The following FMO4 variants were observed in gnomAD, a reference collection of about 807,000 sequenced individuals.
FMO4 encodes flavin containing dimethylaniline monoxygenase 4.
In FMO4, 38 loss-of-function variants were observed where a neutral mutation model predicts 43.3. That is an observed-to-expected ratio of 0.88 (90% CI 0.68 to 1.15). The LOEUF is 1.15. Among genes scored for constraint, FMO4 ranks in the 50% most tolerant of loss-of-function variants. FMO4 has a pLI of 0.00. For missense variants in FMO4, 631 were observed against 663.3 expected (o/e 0.95, Z 0.54); for synonymous variants, 224 against 232.2 (o/e 0.96, Z 0.32).
At chr1:171,325,111 A>G (rs1321630340) in intron 5 of FMO4, among the ~76,000 whole-genome samples, 1 of 152,172 alleles carries the variant, frequency 6.6e-6, no homozygotes, top group East Asian at 1.9e-4. Flanking sequence ...TCTGTCTCAA[A>G]AATAAATGAA....
At chr1:171,324,040 C>T (rs946252204) in intron 4 of FMO4, 98 bp from the exon 5 acceptor site, 1 of 1,099,032 alleles carries the variant, frequency 9.1e-7, no homozygotes, top group Non-Finnish European at 1.3e-6. Context: ...TGTCATGGGA[C>T]TTGGCCTACT....
intron 5 of FMO4, among the ~76,000 whole-genome samples, chr1:171,329,754 T>C (rs1485410252): frequency 2.6e-5 from 4 of 152,170 alleles, no homozygotes; most frequent in African/African-American, 4.8e-5. Flanking sequence ...TCAACCATTT[T>C]AGACTGTCAA....
chr1:171,331,666 C>T lies in FMO4; in HGVS notation c.511C>T (p.Leu171=). Residue 171 remains leucine, a synonymous_variant, in exon 6 of 10, where the codon CTG becomes TTG. Transcript: ENST00000367749. The part of the protein sequence containing the change: ...PGIHKFKGQI[L]HSQEYKIPEG... ...AATTCATAAGTTTAAAGGTCAGATC[C>T]TGCATAGTCAAGAGTACAAGATCCC... The T allele has an allele frequency of 6.2e-7, 1 of 1,613,864 alleles. No homozygotes were observed. Among genetic ancestry groups the T allele is most frequent in the Non-Finnish European group, 8.5e-7 (1 of 1,179,796 alleles).
In FMO4 at chr1:171,334,052, T is replaced by C. The variant is rs571399139; in HGVS notation, c.828-359T>C. On this transcript the variant is annotated intron_variant, in intron 7 of 9. Transcript: ENST00000367749. ...CTAATTTCCTGTCTGCCTGATGTCA[T>C]TCCCTAGAGGCCTAAGTAATTTGAG... is the stretch of plus-strand genomic sequence containing the variant. 1.3e-4 allele frequency among the ~76,000 whole-genome samples: 20 copies of C among 152,298 alleles called. 1 individual carries two copies. The highest frequency in any genetic ancestry group is 4.8e-4 in the African/African-American group (20 of 41,568).
At chr1:171,317,624 G>A (rs972849107) in intron 2 of FMO4, among the ~76,000 whole-genome samples, 21 of 152,236 alleles carry the variant, frequency 1.4e-4, no homozygotes, top group Non-Finnish European at 2.2e-4. Context: ...CTCCATGTGT[G>A]TGTATGTGTA....
Position 171,319,845 on chromosome 1 carries a change from T to C in FMO4, c.20T>C (p.Val7Ala). 1.2e-6 allele frequency: 2 copies of C among 1,613,770 alleles called. No individual in the cohort carries two copies. Among genetic ancestry groups the C allele is most frequent in the Non-Finnish European group, 1.7e-6 (2 of 1,179,770 alleles). The change falls in exon 3 of 10, where the codon GTG becomes GCG. Residue 7 changes from valine to alanine, a missense_variant. By Grantham distance (64) the Val-to-Ala change is moderately conservative. Transcript: ENST00000367749. MAKKVA[V>A]IGAGVSGLSS... ...CATACCATGGCCAAGAAAGTTGCAG[T>C]GATTGGAGCTGGTGTGAGTGGCCTC... is the stretch of plus-strand genomic sequence containing the variant.
At chr1:171,339,456 G>A (rs542342406) in intron 9 of FMO4, among the ~76,000 whole-genome samples, 6 of 152,206 alleles carry the variant, frequency 3.9e-5, no homozygotes, top group Admixed American at 6.5e-5. Flanking sequence ...CCTCCATCAC[G>A]CTACAGCAGC....
At chr1:171,320,887 G>A (rs973679648) in intron 3 of FMO4, among the ~76,000 whole-genome samples, 2 of 152,100 alleles carry the variant, frequency 1.3e-5, no homozygotes, top group Non-Finnish European at 2.9e-5. Flanking sequence ...TGCTATAGGG[G>A]AAAAGAAGAG....
At chr1:171,334,908 G>A in intron 8 of FMO4, 145 bp downstream of exon 8, 2 of 554,230 alleles carry the variant, frequency 3.6e-6, no homozygotes, top group South Asian at 3.1e-5. Flanking sequence ...GTAATATGAG[G>A]GTGTGCTGTG....
chr1:171,327,865 A>C (rs1662730232), intron 5 of FMO4, among the ~76,000 whole-genome samples: 1 of 152,154 alleles, frequency 6.6e-6, no homozygotes, highest in Non-Finnish European at 1.5e-5. Context: ...GTGAGCTCTG[A>C]TGGTGCCACT....
chr1:171,334,123 C>T (rs182645053), intron 7 of FMO4, among the ~76,000 whole-genome samples: 14 of 152,292 alleles, frequency 9.2e-5, no homozygotes, highest in Non-Finnish European at 1.9e-4. Flanking sequence ...TCTATGCTGA[C>T]ACTCTGAGAA....
Position 171,324,192 on chromosome 1 carries a change from G to A in FMO4, c.376G>A (p.Asp126Asn). 6.2e-7 allele frequency: 1 copy of A among 1,613,782 alleles called. No homozygotes were observed. The highest frequency in any genetic ancestry group is 8.5e-7 in the Non-Finnish European group (1 of 1,179,842). The part of the protein sequence containing the change: ...RPDFSETGQW[D>N]VVTETEGKQN... ...AGACTTCTCCGAAACTGGTCAGTGGGATGTTGTCACAGAGACAGAGGGCAA... is the reference window on the plus strand; with the variant it reads ...AGACTTCTCCGAAACTGGTCAGTGGAATGTTGTCACAGAGACAGAGGGCAA... The change falls in exon 5 of 10, where the codon GAT (aspartate) becomes AAT (asparagine). Residue 126 changes from aspartate to asparagine, a missense_variant. Physicochemically the swap from Asp to Asn is conservative, Grantham distance 23. Coordinates refer to ENST00000367749, the MANE Select transcript of FMO4 (RefSeq NM_002022.3).
rs1405748245 is a variant in FMO4 at position 171,323,033 on chromosome 1, C to CTA, written c.165_166dup (p.Lys56IlefsTer4). The CTA allele has an allele frequency of 6.2e-7, 1 of 1,613,506 alleles. No individual in the cohort carries two copies. The highest frequency in any genetic ancestry group is 2.2e-5 in the East Asian group (1 of 44,828). ...CTTCCAAAGATGGGATGACCAGGGT[C>CTA]TATAAGTCATTAGTGACAAATGTCT... On this transcript the variant is annotated frameshift_variant, in exon 4 of 10. Coordinates refer to ENST00000367749, the MANE Select transcript of FMO4 (RefSeq NM_002022.3). LOFTEE classifies it high-confidence loss of function.
chr1:171,321,772 T>G (rs1054854105), intron 3 of FMO4, among the ~76,000 whole-genome samples: 3 of 152,150 alleles, frequency 2.0e-5, no homozygotes, highest in African/African-American at 7.2e-5. Context: ...ATAAACAAGG[T>G]AGACAGGGGC....
chr1:171,331,693 G>T lies in FMO4; in HGVS notation c.538G>T (p.Glu180Ter). ...ILHSQEYKIP[E>*]GFQGKRVLVI... ...GCATAGTCAAGAGTACAAGATCCCAGAAGGCTTTCAGGGCAAACGCGTCTT... is the reference window on the plus strand; with the variant it reads ...GCATAGTCAAGAGTACAAGATCCCATAAGGCTTTCAGGGCAAACGCGTCTT... Residue 180 changes from glutamate to a stop codon, truncating the protein, a stop_gained, in exon 6 of 10, where the codon GAA (glutamate) becomes TAA (stop). Coordinates refer to ENST00000367749, the MANE Select transcript of FMO4 (RefSeq NM_002022.3). LOFTEE classifies it high-confidence loss of function. 6.2e-7 allele frequency: 1 copy of T among 1,613,910 alleles called. No homozygotes were observed. Among genetic ancestry groups the T allele is most frequent in the Non-Finnish European group, 8.5e-7 (1 of 1,179,826 alleles).
chr1:171,340,454 T>C (rs1663325257), intron 9 of FMO4, among the ~76,000 whole-genome samples: 1 of 152,182 alleles, frequency 6.6e-6, no homozygotes, highest in Non-Finnish European at 1.5e-5. Context: ...CCAGTGCGCC[T>C]GTTAGAGTCG....
intron 7 of FMO4, chr1:171,333,211 T>G (rs1382374455): frequency 3.7e-6 from 1 of 269,410 alleles, no homozygotes; most frequent in Non-Finnish European, 7.1e-6. Context: ...GGGGTTTTTT[T>G]GTGTTGTTGA....
intron 5 of FMO4, 23 bp downstream of exon 5, chr1:171,324,323 C>A: frequency 6.3e-7 from 1 of 1,575,428 alleles, no homozygotes; most frequent in Non-Finnish European, 8.6e-7. Flanking sequence ...TACCTGAGAC[C>A]ATGCCTATGC....
intron 2 of FMO4, among the ~76,000 whole-genome samples, chr1:171,317,096 T>C (rs1289802485): frequency 6.6e-6 from 1 of 152,190 alleles, no homozygotes; most frequent in Non-Finnish European, 1.5e-5. Flanking sequence ...CATGTTCACA[T>C]CTTGGTTTCA....
Sources: allele counts gnomAD v4.1 joint callset (sites outside exome capture counted in the v4.1 genomes callset), GRCh38; gene constraint gnomAD v4.1.1; transcripts MANE v1.5; gene names NCBI Gene and HGNC (gene_info 2026-07-23, HGNC 2026-07-21).